Variants in GNAO1 observed in about 807,000 individuals in gnomAD.
GNAO1 encodes the protein G protein subunit alpha o1.
For missense variants in GNAO1, 166 were observed against 478.7 expected (o/e 0.35, Z 6.10); for synonymous variants, 164 against 180.7 (o/e 0.91, Z 0.74).
intron 2 of GNAO1, among the ~76,000 whole-genome samples, chr16:56,248,257 C>T (rs1302027188): frequency 3.3e-5 from 5 of 152,184 alleles, no homozygotes; most frequent in Admixed American, 6.5e-5. Flanking sequence ...TCCAGTGCTA[C>T]CTTCCAGTCT....
chr16:56,300,637 T>G (rs2037335612), intron 3 of GNAO1: 1 of 152,374 alleles, frequency 6.6e-6, no homozygotes, highest in South Asian at 2.1e-4. Flanking sequence ...GGTAAAATAC[T>G]GGCCTCTCCA....
chr16:56,215,269 T>C (rs1270785437), intron 2 of GNAO1, among the ~76,000 whole-genome samples: 1 of 152,224 alleles, frequency 6.6e-6, no homozygotes, highest in Non-Finnish European at 1.5e-5. Context: ...TAAGAGTTTT[T>C]ATATGCCCTC....
chr16:56,230,739 G>A (rs375439092), intron 2 of GNAO1, among the ~76,000 whole-genome samples: 2 of 152,100 alleles, frequency 1.3e-5, no homozygotes, highest in African/African-American at 2.4e-5. Context: ...ATTGACTCGC[G>A]ATAAGGTTTC....
chr16:56,219,673 A>T lies in GNAO1; in HGVS notation c.161+27057A>T, dbSNP rs374764343. Among the ~76,000 whole-genome samples, 27 of 152,234 alleles carry T rather than the reference A, an allele frequency of 1.8e-4. No homozygotes were observed. The East Asian group carries it at 4.6e-3, about 26-fold the overall frequency. ...ACCAGAGGTCAAGACTTGAACCCAC[A>T]TCTTTTGACCCTTGATACAGGCCCT... is the stretch of plus-strand genomic sequence containing the variant. On this transcript the variant is annotated intron_variant, in intron 2 of 8. Transcript: ENST00000262493.
intron 2 of GNAO1, among the ~76,000 whole-genome samples, chr16:56,214,491 A>G (rs539709919): frequency 1.4e-3 from 213 of 152,352 alleles, no homozygotes; most frequent in Non-Finnish European, 2.5e-3. Flanking sequence ...GTTTTAGGAC[A>G]AAAGGTTCCT....
In GNAO1 at chr16:56,242,214, G is replaced by GA. The variant is rs558887608; in HGVS notation, c.162-33710dup. On this transcript the variant is annotated intron_variant, in intron 2 of 8. Coordinates refer to ENST00000262493, the MANE Select transcript of GNAO1 (RefSeq NM_020988.3). ...ATAAGGGGAGGAGAAGAAGGAAGAT[G>GA]AAAAAAATGTTAATATTTATTGAAT... is the stretch of plus-strand genomic sequence containing the variant. 4.5e-3 allele frequency among the ~76,000 whole-genome samples: 680 copies of GA among 152,210 alleles called. 1 individual carries two copies. Among genetic ancestry groups the GA allele is most frequent in the African/African-American group, 0.015 (637 of 41,536 alleles).
chr16:56,226,945 G>C (rs1442070192), intron 2 of GNAO1, among the ~76,000 whole-genome samples: 24 of 152,146 alleles, frequency 1.6e-4, no homozygotes, highest in Admixed American at 1.6e-3. Flanking sequence ...GATTTAAAAG[G>C]GGATCTTTAG....
intron 3 of GNAO1, among the ~76,000 whole-genome samples, chr16:56,322,370 A>G (rs1450702922): frequency 1.3e-5 from 2 of 152,342 alleles, no homozygotes; most frequent in East Asian, 3.9e-4. Flanking sequence ...GAATGGTGCT[A>G]GAAAATACCC....
chr16:56,316,366 C>T (rs1378290128), intron 3 of GNAO1, among the ~76,000 whole-genome samples: 1 of 152,196 alleles, frequency 6.6e-6, no homozygotes, highest in Admixed American at 6.5e-5. Flanking sequence ...TAGGGCACCC[C>T]CTCATAGGCA....
chr16:56,249,421 G>A (rs2036779369), intron 2 of GNAO1, among the ~76,000 whole-genome samples: 4 of 152,090 alleles, frequency 2.6e-5, no homozygotes, highest in Admixed American at 1.3e-4. Flanking sequence ...GAAAACCATC[G>A]CACTTTCCTG....
At chr16:56,197,749 C>T (rs1008601303) in intron 2 of GNAO1, among the ~76,000 whole-genome samples, 3 of 152,154 alleles carry the variant, frequency 2.0e-5, no homozygotes, top group Admixed American at 6.5e-5. Context: ...ACATGGAACT[C>T]GCAGATTATT....
intron 3 of GNAO1, among the ~76,000 whole-genome samples, chr16:56,315,649 G>C (rs2037500907): frequency 6.6e-6 from 1 of 152,060 alleles, no homozygotes; most frequent in Non-Finnish European, 1.5e-5. Flanking sequence ...TTGGAGCTTT[G>C]GACAGACAGC....
chr16:56,252,556 T>C (rs1284052943), intron 2 of GNAO1, among the ~76,000 whole-genome samples: 3 of 152,222 alleles, frequency 2.0e-5, no homozygotes, highest in African/African-American at 7.2e-5. Context: ...TTTCCTCCTC[T>C]GAGGAATCTT....
chr16:56,237,062 C>T (rs1264561208), intron 2 of GNAO1, among the ~76,000 whole-genome samples: 1 of 152,192 alleles, frequency 6.6e-6, no homozygotes, highest in Non-Finnish European at 1.5e-5. Flanking sequence ...AAGTGGAATG[C>T]TGTACATGAA....
intron 3 of GNAO1, chr16:56,301,843 G>A (rs2037347468): frequency 6.6e-6 from 1 of 152,126 alleles, no homozygotes; most frequent in Non-Finnish European, 1.5e-5. Flanking sequence ...GCACTAACTT[G>A]TTTAGAACTC....
intron 6 of GNAO1, among the ~76,000 whole-genome samples, chr16:56,339,023 A>G (rs1211504890): frequency 7.2e-5 from 11 of 152,260 alleles, no homozygotes; most frequent in African/African-American, 2.2e-4. Context: ...TCCTTCCCCA[A>G]GGCTGGCCAC....
At chr16:56,266,566 G>A (rs2036956354) in intron 2 of GNAO1, among the ~76,000 whole-genome samples, 1 of 152,222 alleles carries the variant, frequency 6.6e-6, no homozygotes. Context: ...TGCACCAGAT[G>A]GAAGGAGGGC....
chr16:56,228,333 A>T (rs2036553521), intron 2 of GNAO1, among the ~76,000 whole-genome samples: 1 of 151,928 alleles, frequency 6.6e-6, no homozygotes, highest in Non-Finnish European at 1.5e-5. Flanking sequence ...TTAGTAAAAG[A>T]TGTTTGAGCT....
intron 2 of GNAO1, among the ~76,000 whole-genome samples, chr16:56,259,195 C>T (rs2036880842): frequency 6.6e-6 from 1 of 152,228 alleles, no homozygotes; most frequent in African/African-American, 2.4e-5. Flanking sequence ...ATGAGAGCAA[C>T]ACACTTGAAA....
Sources: allele counts gnomAD v4.1 joint callset (sites outside exome capture counted in the v4.1 genomes callset), GRCh38; gene constraint gnomAD v4.1.1; transcripts MANE v1.5; gene names NCBI Gene and HGNC (gene_info 2026-07-23, HGNC 2026-07-21).